The following ADGB variants were observed in gnomAD, a reference collection of about 807,000 sequenced individuals.
ADGB encodes calpain-7-like protein.
A neutral mutation model predicts 210.5 loss-of-function variants in ADGB; 172 were observed. That is an observed-to-expected ratio of 0.82 (90% CI 0.72 to 0.93). The LOEUF is 0.93. Ranked by LOEUF, ADGB falls within the 40% of genes least tolerant of loss-of-function variation. ADGB has a pLI of 0.00. For missense variants in ADGB, 2,025 were observed against 1,964.8 expected (o/e 1.03, Z -0.58); for synonymous variants, 658 against 662.7 (o/e 0.99, Z 0.11).
rs1562300131 is a variant in ADGB at position 146,784,658 on chromosome 6, C to G, written c.4076C>G (p.Pro1359Arg). ...CCTCAACAAGAAGACCCAAATAAAC[C>G]CTACTGGATTTTGAGGTTGGTCACT... ...VHPQQEDPNKPYWILRLVTEH... is the reference protein window; with the variant it reads ...VHPQQEDPNKRYWILRLVTEH... The change falls in exon 31 of 36, where the codon CCC (proline) becomes CGC (arginine). Residue 1359 changes from proline to arginine, a missense_variant. Pro to Arg is a moderately radical substitution (Grantham distance 103, BLOSUM62 -2). Transcript: ENST00000397944. The G allele has an allele frequency of 9.0e-6, 14 of 1,549,856 alleles. No individual in the cohort carries two copies. The highest frequency in any genetic ancestry group is 1.0e-5 in the Non-Finnish European group (12 of 1,146,068).
chr6:146,793,233 G>A (rs138306534), intron 33 of ADGB, among the ~76,000 whole-genome samples: 5 of 125,224 alleles, frequency 4.0e-5, no homozygotes, highest in East Asian at 2.1e-4. Flanking sequence ...TGATTGGTGC[G>A]TTTTACAGAG....
chr6:146,650,206 C>G lies in ADGB; in HGVS notation c.331-3929C>G, dbSNP rs893734677. On this transcript the variant is annotated intron_variant, in intron 3 of 35. Coordinates refer to ENST00000397944, the MANE Select transcript of ADGB (RefSeq NM_024694.4). ...GTCATTTTTAAAAACATGTTTTATC[C>G]TTTTGTCTTCTGTTTTAAATGAGTT... Among the ~76,000 whole-genome samples the G allele has an allele frequency of 7.2e-5, 11 of 152,098 alleles. 1 individual carries two copies. The highest frequency in any genetic ancestry group is 3.3e-4 in the Admixed American group (5 of 15,256).
At chr6:146,739,603 G>GACC (rs1248285504) in intron 23 of ADGB, among the ~76,000 whole-genome samples, 1 of 152,020 alleles carries the variant, frequency 6.6e-6, no homozygotes, top group Non-Finnish European at 1.5e-5. Flanking sequence ...CTTCCATGAG[G>GACC]ACCACCATGG....
chr6:146,621,690 T>TG (rs1447042338), intron 1 of ADGB, among the ~76,000 whole-genome samples: 1 of 152,154 alleles, frequency 6.6e-6, no homozygotes, highest in Non-Finnish European at 1.5e-5. Flanking sequence ...TGAATTTCTG[T>TG]GGGGGAAGTG....
chr6:146,641,088 A>G (rs1775506394), intron 2 of ADGB, among the ~76,000 whole-genome samples: 1 of 151,990 alleles, frequency 6.6e-6, no homozygotes, highest in African/African-American at 2.4e-5. Context: ...TTCAATGTAT[A>G]AAAACCACTA....
rs1011639515 is a variant in ADGB at position 146,656,909 on chromosome 6, T to G, written c.541T>G (p.Cys181Gly). 1 of 1,551,558 alleles carries G rather than the reference T, an allele frequency of 6.4e-7. No homozygotes were observed. The highest frequency in any genetic ancestry group is 1.4e-5 in the African/African-American group (1 of 73,042). Reference protein sequence around the residue: ...WKPWEHIYSLCKAVKGHMPLF... With the variant: ...WKPWEHIYSLGKAVKGHMPLF... The stretch of plus-strand genomic sequence containing the variant: ...GCCCTGGGAACACATATACTCTCTG[T>G]GCAAGGCTGTGAAGGGTCATATGCC... The change falls in exon 5 of 36, where the codon TGC becomes GGC. Residue 181 changes from cysteine to glycine, a missense_variant. Physicochemically the swap from Cys to Gly is radical, Grantham distance 159. Coordinates refer to ENST00000397944, the MANE Select transcript of ADGB (RefSeq NM_024694.4).
Position 146,802,040 on chromosome 6 carries a change from T to C in ADGB, c.4818+29T>C, listed in dbSNP as rs181393758. 18 of 1,396,154 alleles carry C rather than the reference T, an allele frequency of 1.3e-5. No individual in the cohort carries two copies. The East Asian group carries it at 1.7e-4, about 13-fold the overall frequency. 86.5% of individuals were successfully genotyped at this position (1,396,154 alleles called of 1,614,324 possible). A position where few individuals can be genotyped will look rare whatever the true frequency, so the allele number is the denominator to read the frequency against. On this transcript the variant is annotated intron_variant, in intron 35 of 35. Coordinates refer to ENST00000397944, the MANE Select transcript of ADGB (RefSeq NM_024694.4). ...AGTCTAAAAGCACATACATAGATTA[T>C]AGTTGGCAAATTCTTTCGTAACATT...
Position 146,801,182 on chromosome 6 carries a change from G to A in ADGB, c.4538-1G>A. On this transcript the variant is annotated splice_acceptor_variant, in intron 33 of 35. Coordinates refer to ENST00000397944, the MANE Select transcript of ADGB (RefSeq NM_024694.4). LOFTEE classifies it high-confidence loss of function. ...TTGTTGTGTGTGTGTTTTTTTTAAA[G>A]AAACAGGACCTCGTACACGATCTCC... The A allele has an allele frequency of 1.1e-5, 16 of 1,461,836 alleles. No individual in the cohort carries two copies. The highest frequency in any genetic ancestry group is 1.4e-5 in the Non-Finnish European group (16 of 1,104,164). 90.6% of individuals were successfully genotyped at this position (1,461,836 alleles called of 1,614,324 possible). A position where few individuals can be genotyped will look rare whatever the true frequency, so the allele number is the denominator to read the frequency against.
chr6:146,699,465 C>A (rs548843105), intron 12 of ADGB, among the ~76,000 whole-genome samples: 5 of 152,076 alleles, frequency 3.3e-5, no homozygotes, highest in African/African-American at 1.2e-4. Context: ...TTCACCTTTC[C>A]TCTGTCACTT....
chr6:146,749,200 T>C (rs1237202976), intron 26 of ADGB, among the ~76,000 whole-genome samples: 1 of 152,196 alleles, frequency 6.6e-6, no homozygotes, highest in Non-Finnish European at 1.5e-5. Flanking sequence ...GGGGAGAAGC[T>C]CATTTGCAAG....
intron 30 of ADGB, among the ~76,000 whole-genome samples, chr6:146,782,737 A>G (rs1037490077): frequency 1.3e-5 from 2 of 152,148 alleles, no homozygotes; most frequent in African/African-American, 2.4e-5. Context: ...CTGGGACTCT[A>G]TATACAGTCC....
At chr6:146,672,137 T>G (rs1776018011) in intron 7 of ADGB, 83 bp from the exon 8 acceptor site, 1 of 1,418,712 alleles carries the variant, frequency 7.0e-7, no homozygotes, top group South Asian at 1.6e-5. Flanking sequence ...AGCAAGTTGA[T>G]TTTTCTGTCA....
intron 1 of ADGB, among the ~76,000 whole-genome samples, chr6:146,626,871 TG>T (rs1188226704): frequency 1.3e-5 from 2 of 152,018 alleles, no homozygotes; most frequent in African/African-American, 4.8e-5. Flanking sequence ...AATCCCTTCT[TG>T]GTGACAACAA....
At chr6:146,782,881 C>G (rs146972710) in intron 30 of ADGB, among the ~76,000 whole-genome samples, 1 of 152,190 alleles carries the variant, frequency 6.6e-6, no homozygotes, top group East Asian at 1.9e-4. Context: ...CAAAAAACAG[C>G]GCACTCTAAA....
intron 9 of ADGB, among the ~76,000 whole-genome samples, chr6:146,683,505 C>T (rs1776185369): frequency 6.6e-6 from 1 of 152,052 alleles, no homozygotes; most frequent in Non-Finnish European, 1.5e-5. Context: ...ATATTTAAAA[C>T]TTCACCCTTA....
At chr6:146,718,346 C>CAAA (rs34547633) in intron 16 of ADGB, among the ~76,000 whole-genome samples, 17 of 80,138 alleles carry the variant, frequency 2.1e-4, no homozygotes, top group East Asian at 4.6e-4. Context: ...GATTCCATCT[C>CAAA]AAAAAAAAAA....
rs1272964562 is a variant in ADGB, at chr6:146,734,442, G to T, written c.2794+412G>T. Among the ~76,000 whole-genome samples, 23 of 152,142 alleles carry T rather than the reference G, an allele frequency of 1.5e-4. 1 individual carries two copies. Among genetic ancestry groups the T allele is most frequent in the Admixed American group, 1.5e-3 (23 of 15,270 alleles). Reference sequence around the variant, plus strand: ...TTTCCAGATGATTTTTCAAACAAATGAGTGAATAATTAAGTGAATGAATAA... The same window carrying T: ...TTTCCAGATGATTTTTCAAACAAATTAGTGAATAATTAAGTGAATGAATAA... On this transcript the variant is annotated intron_variant, in intron 22 of 35. Transcript: ENST00000397944.
rs186451770 is a variant in ADGB at position 146,795,634 on chromosome 6, T to G, written c.4538-5549T>G. Among the ~76,000 whole-genome samples, 644 of 152,260 alleles carry G rather than the reference T, an allele frequency of 4.2e-3. 7 individuals carry two copies. The highest frequency in any genetic ancestry group is 0.02 in the South Asian group (97 of 4,812). ...CTCACACCAGCCAGAATGGCTATTA[T>G]TAATAGCCTGACAGATGCTGGTCAG... On this transcript the variant is annotated intron_variant, in intron 33 of 35. Coordinates refer to ENST00000397944, the MANE Select transcript of ADGB (RefSeq NM_024694.4).
At chr6:146,630,896 A>C (rs1781055424) in intron 1 of ADGB, among the ~76,000 whole-genome samples, 1 of 152,178 alleles carries the variant, frequency 6.6e-6, no homozygotes, top group African/African-American at 2.4e-5. Context: ...TGGATGGCTT[A>C]TTCATTTGGG....
Sources: allele counts gnomAD v4.1 joint callset (sites outside exome capture counted in the v4.1 genomes callset), GRCh38; gene constraint gnomAD v4.1.1; transcripts MANE v1.5; gene names NCBI Gene and HGNC (gene_info 2026-07-23, HGNC 2026-07-21).